The following KCNH1 variants were observed in gnomAD, a reference collection of about 807,000 sequenced individuals.
KCNH1 encodes the protein voltage-gated delayed rectifier potassium channel KCNH1.
Under a neutral mutation model 69.2 loss-of-function variants are expected in KCNH1, and 27 were observed. The ratio of observed to expected loss-of-function variants is 0.39; its 90% CI spans 0.29 to 0.54. KCNH1 has a LOEUF of 0.54. Ranked by LOEUF, KCNH1 falls within the 20% of genes least tolerant of loss-of-function variation. KCNH1 has a pLI of 0.68. For synonymous variants in KCNH1, 456 were observed against 487.7 expected, an observed-to-expected ratio of 0.93 and a Z score of 0.86; for missense variants, 798 against 1,261.6, an observed-to-expected ratio of 0.63 and a Z score of 5.57.
intron 6 of KCNH1, among the ~76,000 whole-genome samples, chr1:210,956,714 G>T (rs1688184330): frequency 6.6e-6 from 1 of 152,022 alleles, no homozygotes. Context: ...GGTGTTTATA[G>T]TATTCTCTGA....
chr1:210,858,391 A>T (rs1685901193), intron 7 of KCNH1: 1 of 152,244 alleles, frequency 6.6e-6, no homozygotes, highest in Non-Finnish European at 1.5e-5. Flanking sequence ...CCCTGTCAGA[A>T]GTGAGTGGAC....
intron 5 of KCNH1, among the ~76,000 whole-genome samples, chr1:211,075,566 T>C (rs959683673): frequency 6.6e-6 from 1 of 152,226 alleles, no homozygotes; most frequent in Admixed American, 6.5e-5. Context: ...TGCTTCTAAC[T>C]GGCCCCACCC....
chr1:210,940,769 A>G (rs12122974), intron 6 of KCNH1, among the ~76,000 whole-genome samples: 1 of 152,176 alleles, frequency 6.6e-6, no homozygotes, highest in Non-Finnish European at 1.5e-5. Context: ...TTATCAAACC[A>G]TATCTCCATC....
intron 10 of KCNH1, among the ~76,000 whole-genome samples, chr1:210,684,812 C>T (rs1053106174): frequency 2.0e-5 from 3 of 152,332 alleles, no homozygotes; most frequent in African/African-American, 2.4e-5. Context: ...CAATAATACC[C>T]ATCACTTGGA....
chr1:210,709,059 T>C (rs1681988026), intron 10 of KCNH1, among the ~76,000 whole-genome samples: 1 of 152,196 alleles, frequency 6.6e-6, no homozygotes, highest in South Asian at 2.1e-4. Flanking sequence ...GAGACCAGCC[T>C]GACCAACATG....
chr1:210,972,886 A>T (rs1278868841), intron 6 of KCNH1, among the ~76,000 whole-genome samples: 1 of 146,082 alleles, frequency 6.8e-6, no homozygotes, highest in Non-Finnish European at 1.5e-5. Flanking sequence ...TGACTTGAGT[A>T]TTGTCTCATC....
At chr1:210,951,657 TTA>T (rs1469839789) in intron 6 of KCNH1, among the ~76,000 whole-genome samples, 1 of 152,154 alleles carries the variant, frequency 6.6e-6, no homozygotes, top group African/African-American at 2.4e-5. Context: ...ATCCAGTAGA[TTA>T]TGCTTTTTCT....
chr1:210,877,681 A>C (rs916920441), intron 7 of KCNH1, among the ~76,000 whole-genome samples: 1 of 152,164 alleles, frequency 6.6e-6, no homozygotes, highest in Non-Finnish European at 1.5e-5. Flanking sequence ...CAACCTTCTG[A>C]AGAAAATATA....
chr1:211,043,903 A>G (rs916317139), intron 5 of KCNH1, among the ~76,000 whole-genome samples: 3 of 152,228 alleles, frequency 2.0e-5, no homozygotes, highest in Non-Finnish European at 2.9e-5. Context: ...CTTTATGATT[A>G]AAACTCTCAG....
chr1:211,122,972 C>G (rs565963430), intron 1 of KCNH1, among the ~76,000 whole-genome samples: 1 of 151,638 alleles, frequency 6.6e-6, no homozygotes, highest in South Asian at 2.1e-4. Context: ...AAAACAGAAA[C>G]ATTAAAAACA....
At chr1:210,911,887 C>CT (rs1290249295) in intron 7 of KCNH1, among the ~76,000 whole-genome samples, 17 of 152,294 alleles carry the variant, frequency 1.1e-4, no homozygotes, top group Non-Finnish European at 2.1e-4. Flanking sequence ...CTCCTGCAAT[C>CT]TCTCCACTGC....
chr1:210,961,015 T>G (rs952056028), intron 6 of KCNH1, among the ~76,000 whole-genome samples: 5 of 152,298 alleles, frequency 3.3e-5, no homozygotes, highest in Admixed American at 1.3e-4. Context: ...TTTTCTTATC[T>G]CTTGAACATA....
intron 7 of KCNH1, among the ~76,000 whole-genome samples, chr1:210,871,540 C>T (rs940767182): frequency 1.7e-4 from 26 of 152,204 alleles, no homozygotes; most frequent in African/African-American, 4.3e-4. Flanking sequence ...GACCCAGCCA[C>T]CCCATTACTG....
chr1:210,823,468 A>G (rs1684970553), intron 7 of KCNH1, among the ~76,000 whole-genome samples: 1 of 152,162 alleles, frequency 6.6e-6, no homozygotes, highest in African/African-American at 2.4e-5. Context: ...TCCCAAGTAC[A>G]ATGTGCTCTC....
intron 10 of KCNH1, among the ~76,000 whole-genome samples, chr1:210,706,321 C>CTGAG (rs1332107183): frequency 1.3e-5 from 2 of 152,224 alleles, no homozygotes; most frequent in Non-Finnish European, 2.9e-5. Flanking sequence ...TGTGCCCCTT[C>CTGAG]TGAGTCCCCA....
At chr1:211,065,959 T>A (rs1690521440) in intron 5 of KCNH1, among the ~76,000 whole-genome samples, 1 of 151,974 alleles carries the variant, frequency 6.6e-6, no homozygotes, top group South Asian at 2.1e-4. Flanking sequence ...CTTGGGAGGC[T>A]GAGGTGAGAG....
chr1:210,930,443 T>G (rs1687660078), intron 6 of KCNH1, among the ~76,000 whole-genome samples: 1 of 152,014 alleles, frequency 6.6e-6, no homozygotes, highest in South Asian at 2.1e-4. Flanking sequence ...GAAAAGACAC[T>G]GATTCAACAA....
intron 6 of KCNH1, among the ~76,000 whole-genome samples, chr1:211,013,616 G>A (rs910441826): frequency 2.0e-5 from 3 of 152,170 alleles, no homozygotes; most frequent in African/African-American, 7.2e-5. Context: ...ACTAGAGTCC[G>A]GTTTCACTAC....
chr1:210,695,796 T>A (rs1293655402), intron 10 of KCNH1, among the ~76,000 whole-genome samples: 1 of 152,178 alleles, frequency 6.6e-6, no homozygotes, highest in Admixed American at 6.5e-5. Flanking sequence ...GATGTGTGCA[T>A]CAGCTCTTTA....
Sources: gnomAD v4.1 joint callset for allele counts (sites outside exome capture counted in the v4.1 genomes callset) on GRCh38, gnomAD v4.1.1 for gene constraint, MANE v1.5 for transcripts, NCBI Gene and HGNC (gene_info 2026-07-23, HGNC 2026-07-21) for gene names.